SCART1: variants seen among roughly 807,000 people sequenced by gnomAD.
SCART1 encodes the protein scavenger receptor family member expressed on T cells 1, also known as scavenger receptor cysteine-rich domain-containing protein SCART1.
SCART1 carries 62 observed loss-of-function variants against 36.2 expected under a neutral mutation model. That is an observed-to-expected ratio of 1.71 (90% confidence interval 1.40 to 2.12). SCART1 has a LOEUF of 2.12. Among genes scored for constraint, SCART1 ranks in the 30% most tolerant of loss-of-function variants. The pLI, the probability that SCART1 is intolerant of heterozygous loss-of-function variation, is 0.00. For synonymous variants in SCART1, 487 were observed against 238.7 expected (o/e 2.04, Z -9.59); for missense variants, 1,041 against 540.5 (o/e 1.93, Z -9.18).
Position 133,462,575 on chromosome 10 carries a change from C to T in SCART1, c.1970-2031C>T, listed in dbSNP as rs552342560. Among the ~76,000 whole-genome samples, 4 of 152,338 alleles carry T rather than the reference C, an allele frequency of 2.6e-5. No individual in the cohort carries two copies. The East Asian group carries it at 5.8e-4, about 22-fold the overall frequency. On this transcript the variant is annotated intron_variant, in intron 6 of 11. Transcript: ENST00000640237. ...TAATGCTGAGTAACCAGCCCTGCCA[C>T]AGGCAGCAGCAGCAAGGTGTGTGGC...
chr10:133,465,125 A>G (rs1405438855), exon 8 of SCART1: 15 of 702,938 alleles, frequency 2.1e-5, no homozygotes, highest in Non-Finnish European at 3.4e-5. Flanking sequence ...AGGACAGGCC[A>G]CAGGCTGCTG....
Position 133,459,059 on chromosome 10 carries a change from C to T in SCART1, c.1018C>T (p.Arg340Cys), listed in dbSNP as rs572224012. The change falls in exon 5 of 12, where the codon CGC becomes TGC. Residue 340 changes from arginine to cysteine, a missense_variant. Transcript: ENST00000640237. ...CAACGGCAGCAGCAGCTGTGAGGGC[C>T]GCGTGGAGTTCCAGGTGCAGGGGTC... The T allele has an allele frequency of 6.1e-4, 430 of 699,788 alleles. 8 individuals are homozygous for T. The highest frequency in any genetic ancestry group is 4.7e-3 in the South Asian group (313 of 67,150). 43.3% of individuals were successfully genotyped at this position (699,788 alleles called of 1,614,324 possible). A position where few individuals can be genotyped will look rare whatever the true frequency, so the allele number is the denominator to read the frequency against.
At chr10:133,462,663 C>T (rs138665906) in intron 6 of SCART1, among the ~76,000 whole-genome samples, 1 of 152,336 alleles carries the variant, frequency 6.6e-6, no homozygotes, top group Non-Finnish European at 1.5e-5. Context: ...CCCAGCCGGG[C>T]TCCCTTAGTG....
At chr10:133,468,736 T>C (rs192140136) in exon 12 of SCART1, 1 of 152,360 alleles carries the variant, frequency 6.6e-6, no homozygotes, top group East Asian at 1.9e-4. Flanking sequence ...ATTAAGATGA[T>C]AGATGATTGA....
At chr10:133,460,049 G>A (rs1044795417) in exon 6 of SCART1, 1 of 513,636 alleles carries the variant, frequency 1.9e-6, no homozygotes, top group Non-Finnish European at 3.4e-6. Context: ...CCGGGGCAGG[G>A]CGCATCTGGC....
At chr10:133,459,819 G>A in exon 6 of SCART1, 1 of 612,058 alleles carries the variant, frequency 1.6e-6, no homozygotes, top group South Asian at 1.8e-5. Context: ...GGTCGGAACC[G>A]CGTCCCCCAT....
At chr10:133,456,048 G>A (rs939883278) in intron 1 of SCART1, among the ~76,000 whole-genome samples, 189 bp from the exon 2 acceptor site, 11 of 152,112 alleles carry the variant, frequency 7.2e-5, no homozygotes, top group Admixed American at 1.3e-4. Flanking sequence ...AGTAGCCCCC[G>A]GGGAGACACA....
intron 3 of SCART1, 29 bp downstream of exon 3, chr10:133,457,604 A>G: frequency 1.5e-6 from 1 of 650,212 alleles, no homozygotes; most frequent in South Asian, 1.7e-5. Context: ...GTTCCCAGTG[A>G]CCCTTGGGAT....
exon 4 of SCART1, chr10:133,458,490 T>C (rs751023069): frequency 7.3e-6 from 5 of 688,356 alleles, no homozygotes; most frequent in South Asian, 6.1e-5. Flanking sequence ...AGCTGCAGTG[T>C]GGGGCGGTCG....
intron 9 of SCART1, chr10:133,465,963 G>A (rs1253925948): frequency 1.5e-6 from 1 of 670,544 alleles, no homozygotes; most frequent in African/African-American, 1.8e-5. Context: ...CTGTGCTCTG[G>A]TCACCTCTTG....
At chr10:133,456,544 G>A (rs553778813) in exon 2 of SCART1, 9 of 664,196 alleles carry the variant, frequency 1.4e-5, no homozygotes, top group African/African-American at 5.3e-5. Flanking sequence ...TGGTGGTCGC[G>A]CTGTGCTCCA....
chr10:133,469,552 A>G (rs936431589), downstream of SCART1, among the ~76,000 whole-genome samples: 2 of 151,778 alleles, frequency 1.3e-5, no homozygotes, highest in African/African-American at 4.8e-5. Flanking sequence ...ATGAGAACAC[A>G]TGGACACGGG....
At chr10:133,460,496 A>ATATATATATTTTTTT in intron 6 of SCART1, among the ~76,000 whole-genome samples, 1 of 136,016 alleles carries the variant, frequency 7.4e-6, no homozygotes, top group Non-Finnish European at 1.6e-5. Flanking sequence ...ATATTTATAT[A>ATATATATATTTTTTT]TTTTAAAAAA....
chr10:133,462,879 A>G (rs1475569789), intron 6 of SCART1, among the ~76,000 whole-genome samples: 1 of 152,194 alleles, frequency 6.6e-6, no homozygotes, highest in Non-Finnish European at 1.5e-5. Flanking sequence ...GCCCAGACTC[A>G]GTGAGAGGGT....
intron 6 of SCART1, among the ~76,000 whole-genome samples, chr10:133,461,748 A>G (rs1380510677): frequency 2.0e-5 from 3 of 152,162 alleles, no homozygotes; most frequent in African/African-American, 7.2e-5. Context: ...TAAAAGGTCC[A>G]TCTTTTTCTG....
intron 1 of SCART1, among the ~76,000 whole-genome samples, chr10:133,455,970 C>T (rs915154546): frequency 1.3e-5 from 2 of 151,994 alleles, no homozygotes; most frequent in Non-Finnish European, 2.9e-5. Flanking sequence ...CCCAGGAGGA[C>T]AGGGGACTTC....
chr10:133,467,918 T>C, exon 12 of SCART1: 1 of 699,900 alleles, frequency 1.4e-6, no homozygotes, highest in Admixed American at 2.0e-5. Context: ...CAGACCTGTT[T>C]CTCAGGGATA....
At chr10:133,458,127 C>T in intron 3 of SCART1, 2 of 690,448 alleles carry the variant, frequency 2.9e-6, no homozygotes, top group Non-Finnish European at 5.3e-6. Context: ...TACGTGAGCA[C>T]CTGCAGCAGG....
At chr10:133,468,726 A>G (rs189235906) in exon 12 of SCART1, 2 of 152,316 alleles carry the variant, frequency 1.3e-5, no homozygotes, top group Admixed American at 6.5e-5. Context: ...TTTTGTATCT[A>G]TTAAGATGAT....
Sources: gnomAD v4.1 joint callset for allele counts (sites outside exome capture counted in the v4.1 genomes callset) on GRCh38, gnomAD v4.1.1 for gene constraint, MANE v1.5 for transcripts, NCBI Gene and HGNC (gene_info 2026-07-23, HGNC 2026-07-21) for gene names.